The following CYP4F22 variants were observed in gnomAD, a reference collection of about 807,000 sequenced individuals.
The protein encoded by CYP4F22 is cytochrome P450 family 4 subfamily F member 22.
A neutral mutation model predicts 60.4 loss-of-function variants in CYP4F22; 37 were observed. That is an observed-to-expected ratio of 0.61 (90% CI 0.47 to 0.81). The LOEUF (loss-of-function observed/expected upper bound fraction) is 0.81, where lower values mean the gene tolerates loss of function less well. CYP4F22 is among the 30% of genes least tolerant of loss of function. The pLI, the probability that CYP4F22 is intolerant of heterozygous loss-of-function variation, is 0.00. For missense variants in CYP4F22, 655 were observed against 715.0 expected (o/e 0.92, Z 0.96); for synonymous variants, 258 against 280.5 (o/e 0.92, Z 0.80).
intron 1 of CYP4F22, among the ~76,000 whole-genome samples, chr19:15,519,279 T>C (rs1971193220): frequency 6.6e-6 from 1 of 151,738 alleles, no homozygotes; most frequent in African/African-American, 2.4e-5. Flanking sequence ...TTTTTTTTTT[T>C]TGAGACAGAG....
intron 4 of CYP4F22, among the ~76,000 whole-genome samples, chr19:15,537,109 G>A (rs1272660073): frequency 1.3e-5 from 2 of 152,082 alleles, no homozygotes; most frequent in East Asian, 1.9e-4. Context: ...GACCAGCCTG[G>A]CCAACATGGT....
chr19:15,551,637 C>T lies in CYP4F22; in HGVS notation c.*166C>T, dbSNP rs1372398124. 2 of 886,170 alleles carry T rather than the reference C, an allele frequency of 2.3e-6. No individual in the cohort carries two copies. The highest frequency in any genetic ancestry group is 3.4e-6 in the Non-Finnish European group (2 of 595,760). The allele number at this position is 886,170 out of a possible 1,614,324, so 54.9% of individuals were successfully genotyped here. A position where few individuals can be genotyped will look rare whatever the true frequency, so the allele number is the denominator to read the frequency against. On this transcript the variant is annotated 3_prime_UTR_variant, in exon 14 of 14. Coordinates refer to ENST00000269703, the MANE Select transcript of CYP4F22 (RefSeq NM_173483.4). The stretch of plus-strand genomic sequence containing the variant: ...GCAGCCTGGTGGTACTGGCCACGCC[C>T]CTCAAGGCAAGGCTCCTCCCCTTAG...
At chr19:15,513,362 T>TA (rs199855500) in intron 1 of CYP4F22, among the ~76,000 whole-genome samples, 29,748 of 71,536 alleles carry the variant, frequency 0.42, 4,385 homozygotes, top group Middle Eastern at 0.46. Flanking sequence ...TATATATATA[T>TA]TTTTTTTTTT....
chr19:15,543,415 C>T lies in CYP4F22; in HGVS notation c.940-556C>T, dbSNP rs112905427. Among the ~76,000 whole-genome samples, 957 of 152,152 alleles carry T rather than the reference C, an allele frequency of 6.3e-3. 5 individuals are homozygous for T. The highest frequency in any genetic ancestry group is 8.4e-3 in the Non-Finnish European group (569 of 68,006). On this transcript the variant is annotated intron_variant, in intron 8 of 13. Coordinates refer to ENST00000269703, the MANE Select transcript of CYP4F22 (RefSeq NM_173483.4). ...CCATGTTGCCCAGGCTGGTCTTGAA[C>T]GCCTAGGCTCAAGTGATCCTCCCAC... is the stretch of plus-strand genomic sequence containing the variant.
intron 4 of CYP4F22, among the ~76,000 whole-genome samples, chr19:15,531,998 T>C (rs1971348072): frequency 6.6e-6 from 1 of 151,578 alleles, no homozygotes; most frequent in Admixed American, 6.6e-5. Context: ...CCCAGCTACT[T>C]AGGAGGCTGA....
chr19:15,548,031 G>A, intron 10 of CYP4F22, 77 bp from the exon 11 acceptor site: 1 of 1,323,546 alleles, frequency 7.6e-7, no homozygotes, highest in Non-Finnish European at 1.1e-6. Context: ...GTGTGTGTGT[G>A]TGTGTGTGTG....
In CYP4F22 at chr19:15,540,696, T is replaced by A; in HGVS notation, c.918T>A (p.Ile306=). 6.2e-7 allele frequency: 1 copy of A among 1,612,900 alleles called. No individual in the cohort carries two copies. The highest frequency in any genetic ancestry group is 1.3e-5 in the African/African-American group (1 of 74,656). The part of the protein sequence containing the change: ...KAKQGKTLDF[I]DVLLLARDED... ...AGCAGGGGAAGACCTTGGACTTTAT[T>A]GATGTGCTGCTCCTGGCCAGGGTGA... The change falls in exon 8 of 14, where the codon ATT becomes ATA. Residue 306 remains isoleucine (I), a synonymous_variant. Coordinates refer to ENST00000269703, the MANE Select transcript of CYP4F22 (RefSeq NM_173483.4).
At position 15,525,435 on chromosome 19, in the gene CYP4F22, C is replaced by T; in HGVS notation, c.99C>T (p.Phe33=). ...AVSTLLLFLL[F]FLFRLLLRFL... ...CCACCCTTCTCCTCTTCCTGCTCTT[C>T]TTCCTGTTCCGCCTGCTGCTGCGGT... The change falls in exon 3 of 14, where the codon TTC becomes TTT. Residue 33 remains phenylalanine (F), a synonymous_variant. Transcript: ENST00000269703. 2 of 1,614,200 alleles carry T rather than the reference C, an allele frequency of 1.2e-6. No homozygotes were observed. Among genetic ancestry groups the T allele is most frequent in the Non-Finnish European group, 1.7e-6 (2 of 1,180,036 alleles).
At chr19:15,518,796 T>G (rs1340288526) in intron 1 of CYP4F22, among the ~76,000 whole-genome samples, 1 of 151,334 alleles carries the variant, frequency 6.6e-6, no homozygotes, top group East Asian at 1.9e-4. Flanking sequence ...ATGATCTGAT[T>G]TAATTTGAGG....
Position 15,544,366 on chromosome 19 carries a change from T to A in CYP4F22, c.1136+87T>A. On this transcript the variant is annotated intron_variant, in intron 10 of 13. Coordinates refer to ENST00000269703, the MANE Select transcript of CYP4F22 (RefSeq NM_173483.4). ...TCTGCTCTCCCACTTACTGATTGTG[T>A]GACCTCAGACAAGCCACTTTAGCTT... is the stretch of plus-strand genomic sequence containing the variant. 7 of 1,497,422 alleles carry A rather than the reference T, an allele frequency of 4.7e-6. 1 individual carries two copies. The South Asian group carries it at 8.4e-5, about 18-fold the overall frequency. 92.8% of individuals were successfully genotyped at this position (1,497,422 alleles called of 1,614,324 possible). A position where few individuals can be genotyped will look rare whatever the true frequency, so the allele number is the denominator to read the frequency against.
At chr19:15,538,169 CA>C (rs890371202) in intron 7 of CYP4F22, among the ~76,000 whole-genome samples, 176 bp downstream of exon 7, 6 of 151,190 alleles carry the variant, frequency 4.0e-5, no homozygotes, top group Middle Eastern at 6.8e-3. Context: ...TTTTTTTAAT[CA>C]AAAAAATGGG....
intron 7 of CYP4F22, among the ~76,000 whole-genome samples, chr19:15,539,517 A>G (rs1044883401): frequency 1.3e-5 from 2 of 152,218 alleles, no homozygotes; most frequent in African/African-American, 4.8e-5. Context: ...GTTTTGTGTG[A>G]ACATACATTT....
At position 15,515,355 on chromosome 19, in the gene CYP4F22, C is replaced by G. The variant is rs574312229; in HGVS notation, c.-109+6772C>G. The stretch of plus-strand genomic sequence containing the variant: ...CAGAAAAGGTTCAGCACCTCCCACA[C>G]ACAGACATTGATCCATTTCCTGTTC... On this transcript the variant is annotated intron_variant, in intron 1 of 13. Coordinates refer to ENST00000269703, the MANE Select transcript of CYP4F22 (RefSeq NM_173483.4). 6.8e-5 allele frequency: 83 copies of G among 1,215,632 alleles called. No homozygotes were observed. The African/African-American group carries it at 1.2e-3, about 17-fold the overall frequency. 75.3% of individuals were successfully genotyped at this position (1,215,632 alleles called of 1,614,324 possible). A position where few individuals can be genotyped will look rare whatever the true frequency, so the allele number is the denominator to read the frequency against.
intron 13 of CYP4F22, 113 bp from the exon 14 acceptor site, chr19:15,551,181 T>G: frequency 7.1e-7 from 1 of 1,408,862 alleles, no homozygotes; most frequent in Non-Finnish European, 9.8e-7. Context: ...GGGTTTCACT[T>G]TAACCCTCAG....
chr19:15,540,767 G>A (rs752456781), intron 8 of CYP4F22, 50 bp downstream of exon 8: 20 of 1,603,800 alleles, frequency 1.2e-5, no homozygotes, highest in African/African-American at 1.3e-5. Flanking sequence ...CTGGCCTCCC[G>A]AGGAATTGCA....
intron 3 of CYP4F22, among the ~76,000 whole-genome samples, chr19:15,528,476 A>C (rs1971306676): frequency 6.6e-6 from 1 of 152,110 alleles, no homozygotes; most frequent in Non-Finnish European, 1.5e-5. Context: ...TCTGAGGTGC[A>C]ATGCGCTACT....
At chr19:15,536,415 AG>A (rs1376228636) in intron 4 of CYP4F22, among the ~76,000 whole-genome samples, 21 of 152,142 alleles carry the variant, frequency 1.4e-4, no homozygotes, top group African/African-American at 5.1e-4. Context: ...AGGTGTCTTG[AG>A]AGAGATTTGG....
At chr19:15,548,076 T>C in intron 10 of CYP4F22, 32 bp from the exon 11 acceptor site, 2 of 1,609,068 alleles carry the variant, frequency 1.2e-6, no homozygotes, top group Non-Finnish European at 1.7e-6. Flanking sequence ...CCATGGTGGC[T>C]CGGCCTCTAG....
chr19:15,511,158 G>A lies in CYP4F22; in HGVS notation c.-109+2575G>A, dbSNP rs1163479365. The stretch of plus-strand genomic sequence containing the variant: ...ATTTTGTATTTTTAGTAGAGATGGG[G>A]TTTCTCCATGTTGGTCAGGCTGGTC... On this transcript the variant is annotated intron_variant, in intron 1 of 13. Coordinates refer to ENST00000269703, the MANE Select transcript of CYP4F22 (RefSeq NM_173483.4). Among the ~76,000 whole-genome samples, 6 of 150,932 alleles carry A rather than the reference G, an allele frequency of 4.0e-5. No individual in the cohort carries two copies. The South Asian group carries it at 1.3e-3, about 32-fold the overall frequency.
Sources: gnomAD v4.1 joint callset for allele counts (sites outside exome capture counted in the v4.1 genomes callset) on GRCh38, gnomAD v4.1.1 for gene constraint, MANE v1.5 for transcripts, NCBI Gene and HGNC (gene_info 2026-07-23, HGNC 2026-07-21) for gene names.